PADI2: variants seen among roughly 807,000 people sequenced by gnomAD.
The protein encoded by PADI2 is protein-arginine deiminase type-2.
In PADI2, 70 loss-of-function variants were observed where a neutral mutation model predicts 81.1. That is an observed-to-expected ratio of 0.86 (90% CI 0.71 to 1.05). The LOEUF is 1.05. Among genes scored for constraint, PADI2 ranks in the 50% least tolerant of loss-of-function variants. The pLI is 0.00. For synonymous variants in PADI2, 338 were observed against 358.0 expected (o/e 0.94, Z 0.63); for missense variants, 853 against 889.9 (o/e 0.96, Z 0.53).
At chr1:17,107,977 C>A (rs1456059211) in intron 1 of PADI2, among the ~76,000 whole-genome samples, 1 of 147,570 alleles carries the variant, frequency 6.8e-6, no homozygotes, top group African/African-American at 2.5e-5. Flanking sequence ...GAGGAGGAGT[C>A]TCTCTCTGTC....
At chr1:17,108,808 T>C (rs574767924) in intron 1 of PADI2, among the ~76,000 whole-genome samples, 19 of 152,200 alleles carry the variant, frequency 1.2e-4, no homozygotes, top group African/African-American at 4.3e-4. Flanking sequence ...TTAAGAAAAA[T>C]GTGAGCTGGG....
At chr1:17,113,278 T>C (rs1931647496) in intron 1 of PADI2, among the ~76,000 whole-genome samples, 1 of 151,256 alleles carries the variant, frequency 6.6e-6, no homozygotes, top group Non-Finnish European at 1.5e-5. Context: ...ATTATTATTA[T>C]TATTATTATT....
intron 4 of PADI2, among the ~76,000 whole-genome samples, chr1:17,095,354 C>A (rs1300926321): frequency 6.6e-6 from 1 of 152,162 alleles, no homozygotes; most frequent in African/African-American, 2.4e-5. Context: ...CACATTAAAC[C>A]CAGCAAAATG....
At position 17,086,703 on chromosome 1, in the gene PADI2, G is replaced by C; in HGVS notation, c.656-4C>G. 1 of 1,612,548 alleles carries C rather than the reference G, an allele frequency of 6.2e-7. No individual in the cohort carries two copies. Among genetic ancestry groups the C allele is most frequent in the East Asian group, 2.2e-5 (1 of 44,792 alleles). On this transcript the variant is annotated splice_polypyrimidine_tract_variant and splice_region_variant and intron_variant, in intron 6 of 15. Coordinates refer to ENST00000375486, the MANE Select transcript of PADI2 (RefSeq NM_007365.3). ...TAGCGTTGGCCGAAGAACGGGTCTGGAGGGAAAAGGACCAACGTCAGACTC... is the reference window on the plus strand; with the variant it reads ...TAGCGTTGGCCGAAGAACGGGTCTGCAGGGAAAAGGACCAACGTCAGACTC...
In PADI2 at chr1:17,067,086, T is replaced by A. The variant is rs546704197; in HGVS notation, c.*1958A>T. ...AGTGAGATGGGAACGGGTGTGTGAG[T>A]CCTGGGAACTTCAGAAACATCAGAA... On this transcript the variant is annotated 3_prime_UTR_variant, in exon 16 of 16. Coordinates refer to ENST00000375486, the MANE Select transcript of PADI2 (RefSeq NM_007365.3). The A allele has an allele frequency of 6.6e-6, 1 of 150,882 alleles. No individual in the cohort carries two copies. The highest frequency in any genetic ancestry group is 1.5e-5 in the Non-Finnish European group (1 of 67,870). 9.3% of individuals were successfully genotyped at this position (150,882 alleles called of 1,614,324 possible).
chr1:17,104,293 C>T (rs1335015308), intron 2 of PADI2, among the ~76,000 whole-genome samples: 1 of 151,136 alleles, frequency 6.6e-6, no homozygotes, highest in African/African-American at 2.4e-5. Context: ...CCGTCTCAAA[C>T]AAACAAACAA....
At chr1:17,092,564 C>A in intron 5 of PADI2, 31 bp from the exon 6 acceptor site, 1 of 1,538,562 alleles carries the variant, frequency 6.5e-7, no homozygotes, top group Non-Finnish European at 8.8e-7. Flanking sequence ...ATGAAGAGAT[C>A]TATCTGTTGC....
chr1:17,104,406 T>C (rs925997157), intron 2 of PADI2, among the ~76,000 whole-genome samples: 1 of 151,170 alleles, frequency 6.6e-6, no homozygotes, highest in Admixed American at 6.6e-5. Context: ...AGACAATTAA[T>C]TTCACCTGTT....
At position 17,098,867 on chromosome 1, in the gene PADI2, C is replaced by T. The variant is rs1288007005; in HGVS notation, c.350-2897G>A. On this transcript the variant is annotated intron_variant, in intron 3 of 15. Transcript: ENST00000375486. The stretch of plus-strand genomic sequence containing the variant: ...TCCAGTGGGATGCTGCGGGTAGGGG[C>T]AGAGAACAGGGCTGGTGTGACCTGC... Among the ~76,000 whole-genome samples the T allele has an allele frequency of 2.6e-5, 4 of 152,330 alleles. No individual in the cohort carries two copies. In the East Asian group the frequency reaches 5.8e-4, roughly 22 times the overall value.
intron 11 of PADI2, 56 bp from the exon 12 acceptor site, chr1:17,075,879 G>C (rs12732522): frequency 0.072 from 112,834 of 1,561,908 alleles, 4,672 homozygotes; most frequent in Middle Eastern, 0.16. Flanking sequence ...CAGAGGGCCT[G>C]CAAGAGGAGT....
chr1:17,069,647 G>A (rs935090150), intron 15 of PADI2, among the ~76,000 whole-genome samples: 6 of 108,012 alleles, frequency 5.6e-5, no homozygotes, highest in Non-Finnish European at 9.4e-5. Flanking sequence ...ATGTTCATGC[G>A]TGCATGTGTG....
intron 8 of PADI2, 58 bp from the exon 9 acceptor site, chr1:17,083,895 C>G (rs983316922): frequency 5.0e-6 from 5 of 1,007,870 alleles, no homozygotes; most frequent in Non-Finnish European, 6.3e-6. Context: ...GGGCCAGAGT[C>G]ATCTCCCTGA....
chr1:17,095,841 G>A (rs1233638056), intron 4 of PADI2, 68 bp downstream of exon 4: 8 of 1,255,678 alleles, frequency 6.4e-6, no homozygotes, highest in Non-Finnish European at 9.2e-6. Flanking sequence ...GGAATTGCCT[G>A]CGGGATCTGG....
rs944266448 is a variant in PADI2 at position 17,067,894 on chromosome 1, C to T, written c.*1150G>A. The stretch of plus-strand genomic sequence containing the variant: ...GAACTTTTAACGATTGAAACTGAGT[C>T]TTTTCAGTTGGAGCCAGGGAATGAA... On this transcript the variant is annotated 3_prime_UTR_variant, in exon 16 of 16. Transcript: ENST00000375486. 3 of 152,416 alleles carry T rather than the reference C, an allele frequency of 2.0e-5. No homozygotes were observed. Among genetic ancestry groups the T allele is most frequent in the African/African-American group, 7.2e-5 (3 of 41,434 alleles). 9.4% of individuals were successfully genotyped at this position (152,416 alleles called of 1,614,324 possible).
At chr1:17,116,955 G>A (rs1193908956) in intron 1 of PADI2, among the ~76,000 whole-genome samples, 1 of 152,182 alleles carries the variant, frequency 6.6e-6, no homozygotes, top group African/African-American at 2.4e-5. Context: ...AGTCTCAGCT[G>A]GCTGTGATTT....
intron 6 of PADI2, among the ~76,000 whole-genome samples, chr1:17,089,958 A>G (rs1019149304): frequency 6.6e-6 from 1 of 152,148 alleles, no homozygotes; most frequent in Non-Finnish European, 1.5e-5. Flanking sequence ...TGGTTTCCCT[A>G]GGACTGAGGG....
chr1:17,092,462 C>T lies in PADI2; in HGVS notation c.601G>A (p.Val201Ile). 1 of 1,607,518 alleles carries T rather than the reference C, an allele frequency of 6.2e-7. No individual in the cohort carries two copies. Among genetic ancestry groups the T allele is most frequent in the Non-Finnish European group, 8.5e-7 (1 of 1,177,592 alleles). Residue 201 changes from valine (V) to isoleucine (I), a missense_variant, in exon 6 of 16, where the codon GTT becomes ATT. Transcript: ENST00000375486. ...PDRLPAGYEI[V>I]LYISMSDSDK... The stretch of plus-strand genomic sequence containing the variant: ...GAGTCTGACATGGAAATGTACAGAA[C>T]TATCTCGTATCCGGCGGGGAGGCGG...
chr1:17,074,922 A>G lies in PADI2; in HGVS notation c.1483T>C (p.Ser495Pro). ...TCTCGGAAGAGCTTGTAGCAGGCCG[A>G]GGTGCTGGCCATGAGTAGCAGGAAT... ...KKFLLLMAST[S>P]ACYKLFREKQ... The change falls in exon 13 of 16, where the codon TCG becomes CCG. Residue 495 changes from serine to proline, a missense_variant. Coordinates refer to ENST00000375486, the MANE Select transcript of PADI2 (RefSeq NM_007365.3). 1.9e-6 allele frequency: 3 copies of G among 1,613,046 alleles called. No homozygotes were observed. Among genetic ancestry groups the G allele is most frequent in the Non-Finnish European group, 2.5e-6 (3 of 1,179,472 alleles).
chr1:17,100,486 T>C (rs1384214340), intron 3 of PADI2, among the ~76,000 whole-genome samples: 2 of 151,682 alleles, frequency 1.3e-5, no homozygotes, highest in African/African-American at 4.8e-5. Context: ...GGTTTCACCA[T>C]GTTGGCCAGG....
Sources: allele counts gnomAD v4.1 joint callset (sites outside exome capture counted in the v4.1 genomes callset), GRCh38; gene constraint gnomAD v4.1.1; transcripts MANE v1.5; gene names NCBI Gene and HGNC (gene_info 2026-07-23, HGNC 2026-07-21).